Variants in MLLT10 observed in about 807,000 individuals in gnomAD.
MLLT10 encodes the protein protein AF-10.
In MLLT10, 30 loss-of-function variants were observed where a neutral mutation model predicts 129.1. The ratio of observed to expected loss-of-function variants is 0.23; its 90% CI spans 0.17 to 0.32. MLLT10 has a LOEUF of 0.32. Among genes scored for constraint, MLLT10 ranks in the 10% least tolerant of loss-of-function variants. MLLT10 has a pLI of 1.00. For missense variants in MLLT10, 1,119 were observed against 1,268.3 expected (o/e 0.88, Z 1.79); for synonymous variants, 490 against 446.4 (o/e 1.10, Z -1.23).
intron 18 of MLLT10, 84 bp downstream of exon 18, chr10:21,733,171 C>G (rs889763760): frequency 7.6e-7 from 1 of 1,318,606 alleles, no homozygotes; most frequent in East Asian, 2.4e-5. Context: ...TAATTGGTCA[C>G]CAGTTATATG....
intron 14 of MLLT10, 50 bp downstream of exon 14, chr10:21,714,000 T>A (rs1216577051): frequency 2.7e-6 from 4 of 1,503,990 alleles, no homozygotes; most frequent in Non-Finnish European, 3.6e-6. Context: ...TTTCTCATTT[T>A]TAAAGTGAGT....
intron 14 of MLLT10, among the ~76,000 whole-genome samples, chr10:21,723,822 G>A (rs879830798): frequency 1.3e-5 from 2 of 152,144 alleles, no homozygotes; most frequent in Admixed American, 6.5e-5. Context: ...TACAGTAAGA[G>A]TAAATTGGCT....
intron 2 of MLLT10, among the ~76,000 whole-genome samples, chr10:21,538,246 C>T (rs2034450983): frequency 6.6e-6 from 1 of 151,628 alleles, no homozygotes; most frequent in African/African-American, 2.4e-5. Context: ...CTCACTGCAA[C>T]CTCTGCCTCC....
At chr10:21,608,199 T>C (rs985570646) in intron 5 of MLLT10, among the ~76,000 whole-genome samples, 1 of 151,708 alleles carries the variant, frequency 6.6e-6, no homozygotes, top group African/African-American at 2.4e-5. Flanking sequence ...GACAGGGTCT[T>C]GCTCAGTTGC....
At chr10:21,589,112 T>A (rs558526021) in intron 4 of MLLT10, among the ~76,000 whole-genome samples, 25 of 152,076 alleles carry the variant, frequency 1.6e-4, no homozygotes, top group African/African-American at 5.8e-4. Context: ...TTTATTGGAG[T>A]GTTCATAAGG....
chr10:21,741,864 G>T, intron 22 of MLLT10, 75 bp from the exon 23 acceptor site: 2 of 1,490,552 alleles, frequency 1.3e-6, no homozygotes, highest in South Asian at 1.2e-5. Flanking sequence ...TTTTATCTCA[G>T]TCACAGTTTC....
At chr10:21,734,645 G>A (rs546212771) in intron 20 of MLLT10, among the ~76,000 whole-genome samples, 88 of 152,214 alleles carry the variant, frequency 5.8e-4, no homozygotes, top group Non-Finnish European at 1.2e-3. Context: ...TACTTTTGGG[G>A]GAATAAATAC....
intron 8 of MLLT10, among the ~76,000 whole-genome samples, chr10:21,618,483 C>G (rs532967441): frequency 2.6e-5 from 4 of 151,590 alleles, no homozygotes; most frequent in Non-Finnish European, 4.4e-5. Flanking sequence ...CCAGCCTGGG[C>G]GACGGAGCGA....
At chr10:21,551,146 C>T (rs993105869) in intron 3 of MLLT10, among the ~76,000 whole-genome samples, 5 of 151,548 alleles carry the variant, frequency 3.3e-5, no homozygotes, top group African/African-American at 7.3e-5. Flanking sequence ...AGGTTGGTCT[C>T]GAGCTCCTGA....
At chr10:21,581,700 T>C (rs578183344) in intron 3 of MLLT10, among the ~76,000 whole-genome samples, 1 of 152,334 alleles carries the variant, frequency 6.6e-6, no homozygotes, top group East Asian at 1.9e-4. Context: ...TTTTCCTATG[T>C]ACACATTCTC....
chr10:21,710,506 A>T (rs2055972282), intron 13 of MLLT10, among the ~76,000 whole-genome samples: 1 of 152,238 alleles, frequency 6.6e-6, no homozygotes. Flanking sequence ...AATTTCAACC[A>T]TAGTGCAGAC....
intron 14 of MLLT10, among the ~76,000 whole-genome samples, chr10:21,725,501 C>T (rs1002032741): frequency 2.6e-5 from 4 of 151,958 alleles, no homozygotes; most frequent in Non-Finnish European, 5.9e-5. Flanking sequence ...GGTGGATCAC[C>T]TGAGGTCAGG....
chr10:21,719,470 C>T (rs1159021292), intron 14 of MLLT10, among the ~76,000 whole-genome samples: 2 of 152,192 alleles, frequency 1.3e-5, no homozygotes, highest in African/African-American at 4.8e-5. Flanking sequence ...ATTCCTTAGC[C>T]TGCTCTCTTA....
intron 14 of MLLT10, among the ~76,000 whole-genome samples, chr10:21,717,485 C>T (rs1246726144): frequency 2.3e-5 from 1 of 43,870 alleles, no homozygotes; most frequent in Non-Finnish European, 4.9e-5. Context: ...TCTTATATTC[C>T]TCCTCCTCCT....
At chr10:21,635,992 C>T (rs1042973833) in intron 8 of MLLT10, among the ~76,000 whole-genome samples, 3 of 138,862 alleles carry the variant, frequency 2.2e-5, no homozygotes, top group East Asian at 2.2e-4. Flanking sequence ...TAGCTCTCTT[C>T]GTTTTACTCT....
At chr10:21,627,244 C>G (rs566928396) in intron 8 of MLLT10, among the ~76,000 whole-genome samples, 4 of 152,242 alleles carry the variant, frequency 2.6e-5, no homozygotes, top group Non-Finnish European at 5.9e-5. Context: ...CTTTCTGAAC[C>G]ATTGCAGGGT....
intron 8 of MLLT10, among the ~76,000 whole-genome samples, chr10:21,639,259 C>G (rs576717311): frequency 6.6e-6 from 1 of 152,210 alleles, no homozygotes; most frequent in African/African-American, 2.4e-5. Context: ...GTCAGTTTTG[C>G]AGCAGACATC....
intron 5 of MLLT10, among the ~76,000 whole-genome samples, chr10:21,605,661 C>A (rs2043989061): frequency 6.6e-6 from 1 of 152,080 alleles, no homozygotes; most frequent in African/African-American, 2.4e-5. Context: ...TGTCAAACTC[C>A]TGGGCTCAAG....
intron 3 of MLLT10, among the ~76,000 whole-genome samples, chr10:21,583,709 A>G (rs1045406448): frequency 2.6e-5 from 4 of 152,172 alleles, no homozygotes; most frequent in Non-Finnish European, 5.9e-5. Context: ...AGCTAACAAC[A>G]GCAAGAAACT....
Sources: gnomAD v4.1 joint callset for allele counts (sites outside exome capture counted in the v4.1 genomes callset) on GRCh38, gnomAD v4.1.1 for gene constraint, MANE v1.5 for transcripts, NCBI Gene and HGNC (gene_info 2026-07-23, HGNC 2026-07-21) for gene names.